Variants in MYOM1 observed in about 807,000 individuals in gnomAD.
MYOM1 encodes the protein myomesin-1.
A neutral mutation model predicts 205.3 loss-of-function variants in MYOM1; 164 were observed. That is an observed-to-expected ratio of 0.80 (90% confidence interval 0.70 to 0.91). The LOEUF is 0.91. Ranked by LOEUF, MYOM1 falls within the 40% of genes least tolerant of loss-of-function variation. The pLI is 0.00. For missense variants in MYOM1, 2,011 were observed against 2,127.3 expected (o/e 0.95, Z 1.08); for synonymous variants, 772 against 789.4 (o/e 0.98, Z 0.37).
chr18:3,088,847 G>A (rs1480438862), intron 29 of MYOM1, among the ~76,000 whole-genome samples: 1 of 152,124 alleles, frequency 6.6e-6, no homozygotes, highest in Non-Finnish European at 1.5e-5. Flanking sequence ...GAGTGATTCT[G>A]GAATAGGTCT....
At chr18:3,137,212 G>A (rs1032103379) in intron 14 of MYOM1, among the ~76,000 whole-genome samples, 4 of 152,118 alleles carry the variant, frequency 2.6e-5, no homozygotes, top group African/African-American at 4.8e-5. Flanking sequence ...GCCTCCCAAA[G>A]TGCTGGGATT....
At chr18:3,186,182 C>A (rs759840052) in intron 5 of MYOM1, among the ~76,000 whole-genome samples, 1 of 150,576 alleles carries the variant, frequency 6.6e-6, no homozygotes, top group Non-Finnish European at 1.5e-5. Context: ...GGTGACAAGG[C>A]GGGACTCTGT....
intron 21 of MYOM1, among the ~76,000 whole-genome samples, chr18:3,113,492 C>T (rs1598684324): frequency 1.7e-5 from 1 of 60,348 alleles, no homozygotes; most frequent in African/African-American, 4.4e-5. Flanking sequence ...GCACACCAGG[C>T]TACCTAAAAA....
chr18:3,167,334 A>C (rs900059466), intron 9 of MYOM1, among the ~76,000 whole-genome samples: 1 of 152,200 alleles, frequency 6.6e-6, no homozygotes, highest in Admixed American at 6.5e-5. Context: ...TCTAGTATAG[A>C]AACTTAGTGT....
At chr18:3,183,100 T>G (rs1024538308) in intron 5 of MYOM1, among the ~76,000 whole-genome samples, 16 of 152,000 alleles carry the variant, frequency 1.1e-4, no homozygotes, top group African/African-American at 3.9e-4. Flanking sequence ...CGGCTAATTT[T>G]GTATTTTTAG....
At chr18:3,245,281 G>GGGAGGATGGCTTGAGCCTGGGAGAT in the MYOM1 span, among the ~76,000 whole-genome samples, 1 of 152,078 alleles carries the variant, frequency 6.6e-6, no homozygotes, top group Non-Finnish European at 1.5e-5. Context: ...AAAAGATTGA[G>GGGAGGATGGCTTGAGCCTGGGAGAT]GGAGGATGGC....
At chr18:3,079,423 GC>G (rs1263358357) in intron 33 of MYOM1, 81 bp from the exon 34 acceptor site, 2 of 1,438,250 alleles carry the variant, frequency 1.4e-6, no homozygotes, top group Non-Finnish European at 1.9e-6. Context: ...TGAAGCTCTT[GC>G]CATAAAGTTT....
intron 18 of MYOM1, 143 bp downstream of exon 18, chr18:3,129,089 C>T: frequency 9.2e-7 from 1 of 1,086,428 alleles, no homozygotes; most frequent in South Asian, 1.7e-5. Context: ...TGAAAGTACA[C>T]ATTTCAGATG....
chr18:3,228,458 C>T, the MYOM1 span, among the ~76,000 whole-genome samples: 1 of 151,938 alleles, frequency 6.6e-6, no homozygotes, highest in East Asian at 1.9e-4. The surrounding 1 kb of genome is among the most constrained non-coding windows in gnomAD (Gnocchi z 4.5). Context: ...AAGAAGCCCG[C>T]GGAGAACTGT....
In MYOM1 at chr18:3,067,411, T is replaced by A. The variant is rs747835445; in HGVS notation, c.4909A>T (p.Ser1637Cys). ...RTAYFTINGV[S>C]TADSGKYGLV... is the part of the protein sequence containing the mutation. ...CCGTATTTGCCCGAGTCAGCGGTGC[T>A]CACGCCGTTGATGGTGAAGTACGCG... Residue 1637 changes from serine (S) to cysteine (C), a missense_variant, in exon 38 of 38, where the codon AGC becomes TGC. By Grantham distance (112) the Ser-to-Cys change is moderately radical (BLOSUM62 -1). Coordinates refer to ENST00000356443, the MANE Select transcript of MYOM1 (RefSeq NM_003803.4). 5.0e-6 allele frequency: 8 copies of A among 1,613,382 alleles called. No homozygotes were observed. In the Admixed American group the frequency reaches 1.3e-4, roughly 27 times the overall value.
the MYOM1 span, among the ~76,000 whole-genome samples, chr18:3,232,967 G>A: frequency 6.6e-6 from 1 of 152,090 alleles, no homozygotes; most frequent in African/African-American, 2.4e-5. Flanking sequence ...TTGTTCCTTT[G>A]TAGTGTTTTA....
intron 16 of MYOM1, among the ~76,000 whole-genome samples, chr18:3,134,044 G>T (rs941810641): frequency 6.6e-6 from 1 of 152,020 alleles, no homozygotes; most frequent in Non-Finnish European, 1.5e-5. Flanking sequence ...ATTTTTTGTA[G>T]AGGCAGGTTT....
chr18:3,145,901 G>T (rs1002401901), intron 13 of MYOM1, among the ~76,000 whole-genome samples: 1 of 152,000 alleles, frequency 6.6e-6, no homozygotes, highest in Non-Finnish European at 1.5e-5. Flanking sequence ...GACAAAGGAA[G>T]TAAAACACGA....
chr18:3,091,834 T>G (rs2079231243), intron 26 of MYOM1, among the ~76,000 whole-genome samples: 1 of 151,384 alleles, frequency 6.6e-6, no homozygotes, highest in African/African-American at 2.4e-5. Context: ...CAGGTTCAAG[T>G]GATTCTGCTG....
intron 34 of MYOM1, among the ~76,000 whole-genome samples, chr18:3,076,251 A>T (rs550030259): frequency 1.8e-4 from 28 of 152,252 alleles, no homozygotes; most frequent in Non-Finnish European, 3.4e-4. Context: ...TGTTTTTAGT[A>T]GATACGGGGT....
rs2079661414 is a variant in MYOM1 at position 3,119,934 on chromosome 18, C to G, written c.3053G>C (p.Gly1018Ala). ...GCTTACTGCGGAGGGCGCGCCCAGC[C>G]CAGCCATGTTCATGGCTGCCACTTG... Reference protein sequence around the residue: ...QFQVAAMNMAGLGAPSAVSEC... With the variant: ...QFQVAAMNMAALGAPSAVSEC... The change falls in exon 20 of 38, where the codon GGG becomes GCG. Residue 1018 changes from glycine (G) to alanine (A), a missense_variant. Transcript: ENST00000356443. 2.5e-6 allele frequency: 4 copies of G among 1,611,846 alleles called. No individual in the cohort carries two copies. The East Asian group carries it at 8.9e-5, about 36-fold the overall frequency.
chr18:3,130,060 T>G (rs73373164), intron 17 of MYOM1, among the ~76,000 whole-genome samples: 26,211 of 151,814 alleles, frequency 0.17, 2,429 homozygotes, highest in Non-Finnish European at 0.2. Flanking sequence ...TCTTTTTTTT[T>G]TTTTTGGAGT....
intron 10 of MYOM1, among the ~76,000 whole-genome samples, chr18:3,160,023 T>C (rs2144031306): frequency 6.6e-6 from 1 of 150,634 alleles, no homozygotes; most frequent in Admixed American, 6.6e-5. Flanking sequence ...CTTCTTCTTC[T>C]CCTTCTCCTC....
intron 16 of MYOM1, among the ~76,000 whole-genome samples, chr18:3,134,221 A>G (rs908045761): frequency 1.3e-5 from 2 of 151,972 alleles, no homozygotes; most frequent in African/African-American, 4.8e-5. Flanking sequence ...GGGTCTCCCT[A>G]TGCTGTCCAG....
Sources: gnomAD v4.1 joint callset for allele counts (sites outside exome capture counted in the v4.1 genomes callset) on GRCh38, gnomAD v4.1.1 for gene constraint, Gnocchi (gnomAD v3.1) non-coding constraint, MANE v1.5 for transcripts, NCBI Gene and HGNC (gene_info 2026-07-23, HGNC 2026-07-21) for gene names.